Variants in CFAP61 observed in about 807,000 individuals in gnomAD.
CFAP61 encodes the protein cilia and flagella associated protein 61.
CFAP61 carries 107 observed loss-of-function variants against 135.6 expected under a neutral mutation model. The observed-to-expected ratio is 0.79, with a 90% CI of 0.67 to 0.93. The LOEUF is 0.93. Among genes scored for constraint, CFAP61 ranks in the 40% least tolerant of loss-of-function variants. The pLI is 0.00. For synonymous variants in CFAP61, 575 were observed against 578.5 expected (o/e 0.99, Z 0.09); for missense variants, 1,507 against 1,556.2 (o/e 0.97, Z 0.53).
At chr20:20,116,427 A>G (rs1479369842) in intron 8 of CFAP61, among the ~76,000 whole-genome samples, 1 of 152,064 alleles carries the variant, frequency 6.6e-6, no homozygotes, top group Non-Finnish European at 1.5e-5. Flanking sequence ...GAAACTTTTT[A>G]ACTCGACGTA....
At chr20:20,269,117 C>CTA (rs142189443) in intron 21 of CFAP61, among the ~76,000 whole-genome samples, 5,255 of 104,258 alleles carry the variant, frequency 0.05, 170 homozygotes, top group Middle Eastern at 0.099. Flanking sequence ...TATTCGTGGG[C>CTA]TATATATATA....
intron 13 of CFAP61, among the ~76,000 whole-genome samples, chr20:20,179,047 G>A (rs2067237357): frequency 2.0e-5 from 3 of 151,924 alleles, no homozygotes; most frequent in African/African-American, 4.8e-5. Context: ...TTTTCTGCAA[G>A]ACATAAAGGG....
At chr20:20,347,985 T>C (rs944925175) in intron 26 of CFAP61, among the ~76,000 whole-genome samples, 4 of 108,346 alleles carry the variant, frequency 3.7e-5, no homozygotes, top group Admixed American at 1.7e-4. Context: ...CAAGAAGAAA[T>C]AGAAAATCTC....
intron 9 of CFAP61, among the ~76,000 whole-genome samples, chr20:20,155,892 C>G (rs1215798128): frequency 6.6e-6 from 1 of 152,130 alleles, no homozygotes; most frequent in Admixed American, 6.5e-5. Flanking sequence ...GTAGAACTAC[C>G]ATTTGATCCA....
At chr20:20,158,708 A>C (rs2053155558) in intron 9 of CFAP61, among the ~76,000 whole-genome samples, 2 of 152,330 alleles carry the variant, frequency 1.3e-5, no homozygotes, top group South Asian at 4.1e-4. Context: ...ATAATGACAA[A>C]AATCATATCA....
intron 22 of CFAP61, among the ~76,000 whole-genome samples, chr20:20,287,297 G>C (rs1755906260): frequency 6.6e-6 from 1 of 152,274 alleles, no homozygotes; most frequent in South Asian, 2.1e-4. Context: ...CCTGAGGGAG[G>C]ACCAAGGACA....
In CFAP61 at chr20:20,187,972, T is replaced by C. The variant is rs2146867148; in HGVS notation, c.1428T>C (p.Gly476=). The part of the protein sequence containing the change: ...IRFATLLDTP[G]VENLVSTLML... ...TTGCCACTCTCTTGGATACTCCTGG[T>C]GTGGAAAATCTTGTCAGCACCCTCA... Residue 476 remains glycine (G), a synonymous_variant, in exon 14 of 27, where the codon GGT becomes GGC. Transcript: ENST00000245957. The C allele has an allele frequency of 5.0e-6, 8 of 1,613,316 alleles. No homozygotes were observed. Among genetic ancestry groups the C allele is most frequent in the Non-Finnish European group, 6.8e-6 (8 of 1,179,230 alleles).
chr20:20,310,730 C>T (rs996032859), intron 25 of CFAP61, among the ~76,000 whole-genome samples: 7 of 152,170 alleles, frequency 4.6e-5, no homozygotes, highest in African/African-American at 1.7e-4. Flanking sequence ...GTTGCCAGCT[C>T]CATGACCAAT....
At chr20:20,214,711 C>A (rs1249747993) in intron 17 of CFAP61, among the ~76,000 whole-genome samples, 4 of 152,234 alleles carry the variant, frequency 2.6e-5, no homozygotes, top group Non-Finnish European at 4.4e-5. Context: ...AAACAGCAGT[C>A]ACTATTAGAG....
chr20:20,056,225 C>G (rs2044324579), intron 1 of CFAP61, among the ~76,000 whole-genome samples: 1 of 152,196 alleles, frequency 6.6e-6, no homozygotes, highest in African/African-American at 2.4e-5. Flanking sequence ...TTGGAGAACT[C>G]TATTAAGAAC....
intron 25 of CFAP61, among the ~76,000 whole-genome samples, chr20:20,310,237 A>G (rs1214567675): frequency 6.6e-6 from 1 of 152,036 alleles, no homozygotes; most frequent in Non-Finnish European, 1.5e-5. Context: ...CAGATGATCC[A>G]CCTGCCTCAG....
chr20:20,096,061 A>G (rs1306155393), intron 7 of CFAP61, among the ~76,000 whole-genome samples: 2 of 152,150 alleles, frequency 1.3e-5, no homozygotes, highest in Non-Finnish European at 2.9e-5. Flanking sequence ...AATTGAAGAC[A>G]CTTGTGGTGA....
chr20:20,267,841 G>C (rs2052912340), intron 21 of CFAP61: 1 of 152,256 alleles, frequency 6.6e-6, no homozygotes, highest in Admixed American at 6.5e-5. Context: ...GGAAGAGGAG[G>C]GGCCAGGCTC....
intron 1 of CFAP61, among the ~76,000 whole-genome samples, chr20:20,055,710 A>G (rs1199157388): frequency 6.6e-6 from 1 of 152,204 alleles, no homozygotes; most frequent in East Asian, 1.9e-4. Flanking sequence ...AAGATGTCTC[A>G]TTCCAATTTT....
chr20:20,227,790 G>C (rs1430882176), intron 17 of CFAP61, among the ~76,000 whole-genome samples: 1 of 152,208 alleles, frequency 6.6e-6, no homozygotes, highest in Middle Eastern at 3.2e-3. Flanking sequence ...ACAGAGAATT[G>C]AACATGAGCT....
rs148925749 is a variant in CFAP61 at position 20,329,477 on chromosome 20, T to C, written c.3423-12354T>C. Among the ~76,000 whole-genome samples the C allele has an allele frequency of 1.8e-3, 278 of 152,314 alleles. 3 individuals carry two copies. Among genetic ancestry groups the C allele is most frequent in the Middle Eastern group, 0.01 (3 of 294 alleles). ...CACCTCCTAAATGTGTCTCCAGTCA[T>C]CTGCTGCCATTGCAGCTGCATTTAG... is the stretch of plus-strand genomic sequence containing the variant. On this transcript the variant is annotated intron_variant, in intron 25 of 26. Transcript: ENST00000245957.
At chr20:20,297,882 A>G (rs1012517196) in intron 24 of CFAP61, among the ~76,000 whole-genome samples, 18 of 152,206 alleles carry the variant, frequency 1.2e-4, no homozygotes, top group Admixed American at 6.5e-4. Flanking sequence ...ACCCAGTTCC[A>G]CTTATTAGCT....
At chr20:20,141,740 G>A (rs2051418974) in intron 8 of CFAP61, among the ~76,000 whole-genome samples, 1 of 152,180 alleles carries the variant, frequency 6.6e-6, no homozygotes, top group Non-Finnish European at 1.5e-5. Flanking sequence ...GGCCATTGTT[G>A]TAACTGGCAC....
chr20:20,286,687 G>A (rs1487387470), intron 22 of CFAP61, among the ~76,000 whole-genome samples: 4 of 152,192 alleles, frequency 2.6e-5, no homozygotes, highest in Non-Finnish European at 4.4e-5. Context: ...TCTGTAACTT[G>A]TAACACATGT....
Sources: allele counts gnomAD v4.1 joint callset (sites outside exome capture counted in the v4.1 genomes callset), GRCh38; gene constraint gnomAD v4.1.1; transcripts MANE v1.5; gene names NCBI Gene and HGNC (gene_info 2026-07-23, HGNC 2026-07-21).